The following DACH2 variants were observed in gnomAD, a reference collection of about 807,000 sequenced individuals.
DACH2 encodes the protein dachshund family transcription factor 2, also known as dachshund homolog 2.
Under a neutral mutation model 35.8 loss-of-function variants are expected in DACH2, and 17 were observed. The ratio of observed to expected loss-of-function variants is 0.48; its 90% CI spans 0.33 to 0.71. DACH2 has a LOEUF of 0.71. DACH2 is among the 30% of genes least tolerant of loss of function. The pLI is 0.02. For synonymous variants in DACH2, 195 were observed against 177.3 expected, an observed-to-expected ratio of 1.10 and a Z score of -0.79; for missense variants, 469 against 472.7, an observed-to-expected ratio of 0.99 and a Z score of 0.07.
intron 3 of DACH2, among the ~76,000 whole-genome samples, chrX:86,581,616 AC>A (rs2039501957): frequency 9.1e-6 from 1 of 109,686 alleles, no homozygotes; most frequent in Non-Finnish European, 1.9e-5. Context: ...TTTCAGTACA[AC>A]AAAAAGAAAA....
At chrX:86,673,973 G>A (rs2040799602) in intron 4 of DACH2, among the ~76,000 whole-genome samples, 2 of 111,927 alleles carry the variant, frequency 1.8e-5, no homozygotes, top group African/African-American at 3.2e-5. Flanking sequence ...AGCCTGTACA[G>A]CCTGTAAAAG....
intron 3 of DACH2, among the ~76,000 whole-genome samples, chrX:86,576,481 G>A (rs1016586526): frequency 2.7e-5 from 3 of 111,506 alleles, no homozygotes; most frequent in African/African-American, 9.8e-5. Context: ...TATGTGAAAT[G>A]TTCTTGGGGT....
rs2030786411 is a variant in DACH2 at position 86,162,186 on chromosome X, A to G, written c.488+13078A>G. On this transcript the variant is annotated intron_variant, in intron 1 of 11. Coordinates refer to ENST00000373125, the MANE Select transcript of DACH2 (RefSeq NM_053281.3). ...TGAGGTCTTTCTCTACATTAGTGGGAAATATGTAAAAGCCTTTGTCCCATA... is the reference window on the plus strand; with the variant it reads ...TGAGGTCTTTCTCTACATTAGTGGGGAATATGTAAAAGCCTTTGTCCCATA... Among the ~76,000 whole-genome samples, 3 of 110,758 alleles carry G rather than the reference A, an allele frequency of 2.7e-5. No homozygotes were observed. The South Asian group carries it at 1.2e-3, about 43-fold the overall frequency.
chrX:86,194,425 G>A (rs2031920187), intron 1 of DACH2, among the ~76,000 whole-genome samples: 2 of 111,683 alleles, frequency 1.8e-5, no homozygotes, highest in African/African-American at 6.5e-5. Context: ...GACAACTGGC[G>A]CACTAACAGA....
chrX:86,161,152 C>T, intron 1 of DACH2: 3 of 1,145,717 alleles, frequency 2.6e-6, no homozygotes, highest in Non-Finnish European at 3.5e-6. Flanking sequence ...ACGATTTCCT[C>T]ATATCTCTTC....
chrX:86,308,470 C>G (rs548082073), intron 1 of DACH2, among the ~76,000 whole-genome samples: 4 of 112,152 alleles, frequency 3.6e-5, no homozygotes, highest in African/African-American at 1.3e-4. Flanking sequence ...GGGAAGCTTA[C>G]TGCATTCCCA....
chrX:86,187,528 G>C (rs1192276431), intron 1 of DACH2, among the ~76,000 whole-genome samples: 1 of 107,264 alleles, frequency 9.3e-6, no homozygotes, highest in Non-Finnish European at 1.9e-5. Context: ...AGTGATCCTC[G>C]TGTCTCAGTC....
intron 2 of DACH2, 49 bp from the exon 3 acceptor site, chrX:86,514,230 A>G: frequency 9.2e-7 from 1 of 1,083,938 alleles, no homozygotes; most frequent in Non-Finnish European, 1.3e-6. Context: ...GGTTTTCTCA[A>G]AAAGAGTACA....
At chrX:86,197,087 A>G (rs189621065) in intron 1 of DACH2, among the ~76,000 whole-genome samples, 74 of 112,201 alleles carry the variant, frequency 6.6e-4, no homozygotes, top group African/African-American at 2.3e-3. Flanking sequence ...ACAAACCAGA[A>G]GAGATTGGTT....
intron 1 of DACH2, among the ~76,000 whole-genome samples, chrX:86,195,455 C>A (rs939913040): frequency 9.0e-6 from 1 of 111,138 alleles, no homozygotes; most frequent in Non-Finnish European, 1.9e-5. Flanking sequence ...CCACTACCAG[C>A]GTGACCTCAC....
At chrX:86,406,408 T>TG (rs1309042947) in intron 2 of DACH2, among the ~76,000 whole-genome samples, 1 of 111,608 alleles carries the variant, frequency 9.0e-6, no homozygotes, top group East Asian at 2.8e-4. Flanking sequence ...TTAGGGAGGT[T>TG]GAAAAACTAC....
At chrX:86,630,730 G>A (rs1399487257) in intron 3 of DACH2, among the ~76,000 whole-genome samples, 4 of 108,851 alleles carry the variant, frequency 3.7e-5, no homozygotes, top group Admixed American at 9.9e-5. Context: ...TTGCTCTGTC[G>A]CCCAGGCTGG....
intron 7 of DACH2, among the ~76,000 whole-genome samples, chrX:86,751,130 T>A (rs1050881974): frequency 9.0e-6 from 1 of 110,954 alleles, no homozygotes; most frequent in Non-Finnish European, 1.9e-5. Flanking sequence ...ATACCAAAAC[T>A]TGGCACCAAA....
intron 7 of DACH2, among the ~76,000 whole-genome samples, chrX:86,744,305 T>TA (rs2041687549): frequency 2.7e-5 from 3 of 110,592 alleles, no homozygotes; most frequent in Non-Finnish European, 3.8e-5. Flanking sequence ...AAGGTTTTTA[T>TA]TAAAAAAATG....
chrX:86,296,593 A>G (rs2034467571), intron 1 of DACH2, among the ~76,000 whole-genome samples: 1 of 110,737 alleles, frequency 9.0e-6, no homozygotes, highest in African/African-American at 3.3e-5. Context: ...TTATTTTTTC[A>G]TTATTAGACC....
Position 86,599,491 on chromosome X carries a change from T to TTTCTTTCTTTCTTTCTTTCC in DACH2, c.641-51526_641-51525insCTTCTTTCTTTCTTTCTTTC, listed in dbSNP as rs2039761145. On this transcript the variant is annotated intron_variant, in intron 3 of 11. Coordinates refer to ENST00000373125, the MANE Select transcript of DACH2 (RefSeq NM_053281.3). ...TTTTCTTTCTTTCTTTCTTTCTTTC[T>TTTCTTTCTTTCTTTCTTTCC]TTCTTTCTTTCTTTCTTTCTTTCTT... is the stretch of plus-strand genomic sequence containing the variant. 4.1e-5 allele frequency among the ~76,000 whole-genome samples: 4 copies of TTTCTTTCTTTCTTTCTTTCC among 96,485 alleles called. No individual in the cohort carries two copies. In the East Asian group the frequency reaches 1.3e-3, roughly 32 times the overall value. 83.8% of individuals were successfully genotyped at this position (96,485 alleles called of 115,157 possible). A position where few individuals can be genotyped will look rare whatever the true frequency, so the allele number is the denominator to read the frequency against.
intron 3 of DACH2, among the ~76,000 whole-genome samples, chrX:86,591,623 C>T (rs1167876036): frequency 3.7e-5 from 4 of 107,223 alleles, no homozygotes; most frequent in South Asian, 8.3e-4. Flanking sequence ...CTGCAACCTC[C>T]GCCTCCTGGG....
chrX:86,200,592 A>C, intron 1 of DACH2, among the ~76,000 whole-genome samples: 1 of 107,556 alleles, frequency 9.3e-6, no homozygotes. Flanking sequence ...AAGATAAAAG[A>C]AAACAACCCC....
chrX:86,342,430 G>A (rs751940202), intron 1 of DACH2, among the ~76,000 whole-genome samples: 1 of 111,238 alleles, frequency 9.0e-6, no homozygotes, highest in African/African-American at 3.3e-5. Flanking sequence ...CTTGAGCCTG[G>A]GAGTGATGCT....
Sources: allele counts gnomAD v4.1 joint callset (sites outside exome capture counted in the v4.1 genomes callset), GRCh38; gene constraint gnomAD v4.1.1; transcripts MANE v1.5; gene names NCBI Gene and HGNC (gene_info 2026-07-23, HGNC 2026-07-21).